MSI2: variants seen among roughly 807,000 people sequenced by gnomAD.
MSI2 encodes musashi RNA binding protein 2.
A neutral mutation model predicts 45.6 loss-of-function variants in MSI2; 17 were observed. The observed-to-expected ratio is 0.37, with a 90% CI of 0.26 to 0.56. The LOEUF (loss-of-function observed/expected upper bound fraction) is 0.56, where lower values mean the gene tolerates loss of function less well. MSI2 is among the 20% of genes least tolerant of loss of function. The probability of loss-of-function intolerance (pLI) is 0.77; values close to 1 mark genes in which losing one functional copy is unlikely to be tolerated. For synonymous variants in MSI2, 156 were observed against 158.2 expected (o/e 0.99, Z 0.11); for missense variants, 293 against 444.2 (o/e 0.66, Z 3.06).
chr17:57,509,798 T>G (rs945755345), intron 6 of MSI2, among the ~76,000 whole-genome samples: 8 of 152,038 alleles, frequency 5.3e-5, no homozygotes, highest in African/African-American at 1.9e-4. Flanking sequence ...CATGATTAAT[T>G]CAGTTGTCTC....
Position 57,652,081 on chromosome 17 carries a change from C to T in MSI2, c.728-18C>T. The T allele has an allele frequency of 6.2e-7, 1 of 1,613,402 alleles. No homozygotes were observed. The highest frequency in any genetic ancestry group is 8.5e-7 in the Non-Finnish European group (1 of 1,179,402). On this transcript the variant is annotated intron_variant, in intron 10 of 13. Coordinates refer to ENST00000284073, the MANE Select transcript of MSI2 (RefSeq NM_138962.4). This position sits in a 1 kb window ranked among gnomAD's most constrained non-coding sequence, Gnocchi z 4.1. ...CAAGGATTCCTCCATGACTCAGGCTCCTCTCTCTCCTGACCAGGCTTCCCA... is the reference window on the plus strand; with the variant it reads ...CAAGGATTCCTCCATGACTCAGGCTTCTCTCTCTCCTGACCAGGCTTCCCA...
chr17:57,612,471 G>T lies in MSI2; in HGVS notation c.538-3499G>T, dbSNP rs931725356. On this transcript the variant is annotated intron_variant, in intron 8 of 13. Coordinates refer to ENST00000284073, the MANE Select transcript of MSI2 (RefSeq NM_138962.4). ...CAGGCCAGGTTCCCTGCTGTTAACT[G>T]TTACCTGCTGCCTTCCCCTGTCATT... 8.7e-4 allele frequency among the ~76,000 whole-genome samples: 30 copies of T among 34,358 alleles called. 9 individuals carry two copies. In the Admixed American group the frequency reaches 9.0e-3, roughly 10 times the overall value. 22.5% of individuals were successfully genotyped at this position (34,358 alleles called of 152,430 possible).
At chr17:57,417,503 A>T (rs1184292575) in intron 6 of MSI2, among the ~76,000 whole-genome samples, 1 of 151,896 alleles carries the variant, frequency 6.6e-6, no homozygotes, top group Admixed American at 6.6e-5. Flanking sequence ...GGCTTTACAG[A>T]TGCTCCCCTT....
intron 12 of MSI2, 30 bp downstream of exon 12, chr17:57,675,156 C>T: frequency 6.3e-7 from 1 of 1,591,518 alleles, no homozygotes. Context: ...TGCCCTCCTG[C>T]CTCCTCCTTC....
chr17:57,558,803 G>A lies in MSI2; in HGVS notation c.454+29079G>A, dbSNP rs192719441. ...CAGCCAAGCGCGGTGGCTCACGCCT[G>A]TAATTCCAGCACTTTGGGAGGCCAA... On this transcript the variant is annotated intron_variant, in intron 7 of 13. Transcript: ENST00000284073. Among the ~76,000 whole-genome samples the A allele has an allele frequency of 1.6e-3, 242 of 152,350 alleles. 1 individual carries two copies. Among genetic ancestry groups the A allele is most frequent in the African/African-American group, 5.7e-3 (238 of 41,586 alleles).
chr17:57,444,302 G>A (rs148579276), intron 6 of MSI2, among the ~76,000 whole-genome samples: 2 of 152,060 alleles, frequency 1.3e-5, no homozygotes, highest in African/African-American at 2.4e-5. Context: ...AACACAGCAC[G>A]GGCCAGGCAC....
At chr17:57,506,052 T>C (rs933681017) in intron 6 of MSI2, among the ~76,000 whole-genome samples, 2 of 152,188 alleles carry the variant, frequency 1.3e-5, no homozygotes, top group African/African-American at 4.8e-5. Context: ...GTAATACTCA[T>C]CTTATCTCCA....
chr17:57,597,151 A>G (rs182358017), intron 8 of MSI2, among the ~76,000 whole-genome samples: 22 of 152,112 alleles, frequency 1.4e-4, no homozygotes, highest in Admixed American at 1.4e-3. Flanking sequence ...CAAGTCGTGA[A>G]TATTTTCATC....
In MSI2 at chr17:57,529,747, G is replaced by T; in HGVS notation, c.454+23G>T. The stretch of plus-strand genomic sequence containing the variant: ...GAGGTAAGATTACCCCAGTGTAAGA[G>T]GGTTGCGTTCACCCTCTCCTGGCCT... On this transcript the variant is annotated intron_variant, in intron 7 of 13. Coordinates refer to ENST00000284073, the MANE Select transcript of MSI2 (RefSeq NM_138962.4). This position sits in a 1 kb window ranked among gnomAD's most constrained non-coding sequence, Gnocchi z 5.3. The T allele has an allele frequency of 6.2e-7, 1 of 1,605,620 alleles. No homozygotes were observed. Among genetic ancestry groups the T allele is most frequent in the Admixed American group, 1.7e-5 (1 of 57,964 alleles).
chr17:57,592,325 C>T (rs1164034428), intron 7 of MSI2, among the ~76,000 whole-genome samples: 2 of 152,182 alleles, frequency 1.3e-5, no homozygotes, highest in East Asian at 1.9e-4. Flanking sequence ...TTTTTGTCCT[C>T]CTCTGCTCAT....
chr17:57,389,232 C>A (rs1936288048), intron 5 of MSI2, among the ~76,000 whole-genome samples: 1 of 152,150 alleles, frequency 6.6e-6, no homozygotes. Context: ...CTGCCTCGGC[C>A]TCCCAAAGTA....
chr17:57,427,243 A>G (rs1459599101), intron 6 of MSI2, among the ~76,000 whole-genome samples: 1 of 150,212 alleles, frequency 6.7e-6, no homozygotes, highest in East Asian at 1.9e-4. Context: ...ATAAAAATAC[A>G]AAAATTAGCT....
chr17:57,645,589 C>T (rs752837554), intron 10 of MSI2, among the ~76,000 whole-genome samples: 4 of 151,298 alleles, frequency 2.6e-5, no homozygotes, highest in Non-Finnish European at 4.4e-5. Flanking sequence ...GTGCCCACCA[C>T]CACGCCTGGC....
At chr17:57,504,804 G>A (rs557598106) in intron 6 of MSI2, among the ~76,000 whole-genome samples, 25 of 152,100 alleles carry the variant, frequency 1.6e-4, no homozygotes, top group African/African-American at 5.8e-4. Context: ...GGTGGCAGGC[G>A]CCTGGAATCC....
chr17:57,613,033 G>C (rs1252268540), intron 8 of MSI2, among the ~76,000 whole-genome samples: 1 of 152,148 alleles, frequency 6.6e-6, no homozygotes, highest in Non-Finnish European at 1.5e-5. Flanking sequence ...AAACCTAAAA[G>C]AGCCAATTTG....
chr17:57,273,015 A>G (rs969836643), intron 5 of MSI2, among the ~76,000 whole-genome samples: 1 of 152,206 alleles, frequency 6.6e-6, no homozygotes, highest in African/African-American at 2.4e-5. Flanking sequence ...ACTTTCAGAT[A>G]TACTACTTAA....
chr17:57,317,073 G>T (rs529671036), intron 5 of MSI2, among the ~76,000 whole-genome samples: 31 of 152,244 alleles, frequency 2.0e-4, no homozygotes, highest in African/African-American at 7.5e-4. Context: ...CAATAGTTAA[G>T]ATCTGTACAT....
At chr17:57,613,750 C>T (rs1042751519) in intron 8 of MSI2, among the ~76,000 whole-genome samples, 36 of 152,202 alleles carry the variant, frequency 2.4e-4, no homozygotes, top group African/African-American at 8.7e-4. Context: ...CTACTCCTGT[C>T]TTTTACCCAT....
chr17:57,557,609 C>T (rs1279126279), intron 7 of MSI2, among the ~76,000 whole-genome samples: 1 of 152,182 alleles, frequency 6.6e-6, no homozygotes, highest in Non-Finnish European at 1.5e-5. Flanking sequence ...TTGGCTGGTA[C>T]CCCACAGCCC....
Sources: gnomAD v4.1 joint callset for allele counts (sites outside exome capture counted in the v4.1 genomes callset) on GRCh38, gnomAD v4.1.1 for gene constraint, Gnocchi (gnomAD v3.1) non-coding constraint, MANE v1.5 for transcripts, NCBI Gene and HGNC (gene_info 2026-07-23, HGNC 2026-07-21) for gene names.